The following WDR33 variants were observed in gnomAD, a reference collection of about 807,000 sequenced individuals.
WDR33 encodes WD repeat domain 33, also known as pre-mRNA 3' end processing protein WDR33.
Under a neutral mutation model 164.9 loss-of-function variants are expected in WDR33, and 47 were observed. The observed-to-expected ratio is 0.29, with a 90% CI of 0.23 to 0.36. The LOEUF (loss-of-function observed/expected upper bound fraction) is 0.36. Among genes scored for constraint, WDR33 ranks in the 10% least tolerant of loss-of-function variants. The pLI, the probability that WDR33 is intolerant of heterozygous loss-of-function variation, is 1.00. For missense variants in WDR33, 1,137 were observed against 1,754.1 expected (o/e 0.65, Z 6.28); for synonymous variants, 505 against 589.0 (o/e 0.86, Z 2.06).
rs1261896717 is a variant in WDR33, at chr2:127,720,807, G to A, written c.1672-454C>T. On this transcript the variant is annotated intron_variant, in intron 15 of 21. Transcript: ENST00000322313. The surrounding 1 kb of genome is among the most constrained non-coding windows in gnomAD (Gnocchi z 5.9). Reference sequence around the variant, plus strand: ...ACTCCTGGGTTCAGCTGATCCTCCCGCCTCGCCTCCCAAAGTGCTGGGATT... The same window carrying A: ...ACTCCTGGGTTCAGCTGATCCTCCCACCTCGCCTCCCAAAGTGCTGGGATT... Among the ~76,000 whole-genome samples, 1 of 152,090 alleles carries A rather than the reference G, an allele frequency of 6.6e-6. No homozygotes were observed. Among genetic ancestry groups the A allele is most frequent in the Non-Finnish European group, 1.5e-5 (1 of 68,012 alleles).
intron 1 of WDR33, among the ~76,000 whole-genome samples, chr2:127,792,320 A>G (rs1288724526): frequency 3.9e-5 from 6 of 152,118 alleles, no homozygotes; most frequent in African/African-American, 1.4e-4. Flanking sequence ...ATTAAGTTCA[A>G]CTAACAAAGG....
chr2:127,711,751 GATATATATATATATATAT>G (rs754454193), intron 18 of WDR33, among the ~76,000 whole-genome samples: 3 of 71,600 alleles, frequency 4.2e-5, no homozygotes, highest in South Asian at 6.2e-4. Context: ...CACATATACA[GATATATATATATATATAT>G]ATATATATAT....
At chr2:127,725,812 T>C (rs1686558948) in intron 8 of WDR33, among the ~76,000 whole-genome samples, 1 of 151,318 alleles carries the variant, frequency 6.6e-6, no homozygotes, top group South Asian at 2.1e-4. Context: ...AACAGTAAAA[T>C]TTATCCGTGA....
At chr2:127,750,489 A>G (rs1687292915) in intron 7 of WDR33, among the ~76,000 whole-genome samples, 1 of 150,752 alleles carries the variant, frequency 6.6e-6, no homozygotes, top group Non-Finnish European at 1.5e-5. Context: ...GCTACTTAAA[A>G]TACAAAAATT....
Position 127,720,303 on chromosome 2 carries a change from A to G in WDR33, c.1722T>C (p.Pro574=), listed in dbSNP as rs1298161720. Residue 574 remains proline (P), a synonymous_variant, in exon 16 of 22, where the codon CCT becomes CCC. Transcript: ENST00000322313. This position sits in a 1 kb window ranked among gnomAD's most constrained non-coding sequence, Gnocchi z 5.9. ...LAQKQVEQIQ[P]PPSSGTPLLG... The stretch of plus-strand genomic sequence containing the variant: ...GGAGAGGGGTGCCAGATGAGGGAGG[A>G]GGCTGAATTTGCTCAACTTGTTTCT... 2.0e-6 allele frequency: 3 copies of G among 1,516,700 alleles called. No homozygotes were observed. The highest frequency in any genetic ancestry group is 2.6e-6 in the Non-Finnish European group (3 of 1,133,708). 94.0% of individuals were successfully genotyped at this position (1,516,700 alleles called of 1,614,324 possible).
In WDR33 at chr2:127,724,297, C is replaced by G; in HGVS notation, c.1196+36G>C. On this transcript the variant is annotated intron_variant, in intron 11 of 21. Coordinates refer to ENST00000322313, the MANE Select transcript of WDR33 (RefSeq NM_018383.5). This position sits in a 1 kb window ranked among gnomAD's most constrained non-coding sequence, Gnocchi z 4.8. ...CATACAGTATTTATTTCCTGTTGCT[C>G]CATATAAAGCTTTGCTATTTCAATA... The G allele has an allele frequency of 6.7e-7, 1 of 1,501,626 alleles. No individual in the cohort carries two copies. The highest frequency in any genetic ancestry group is 1.7e-4 in the Middle Eastern group (1 of 5,826). The allele number at this position is 1,501,626 out of a possible 1,614,324, so 93.0% of individuals were successfully genotyped here.
intron 4 of WDR33, among the ~76,000 whole-genome samples, chr2:127,767,242 G>T (rs182328975): frequency 4.0e-5 from 6 of 151,716 alleles, no homozygotes; most frequent in Admixed American, 2.0e-4. Context: ...GTCTTTTCTC[G>T]GTCTCATTTT....
chr2:127,788,526 A>T (rs1295846984), intron 1 of WDR33, among the ~76,000 whole-genome samples: 1 of 84,018 alleles, frequency 1.2e-5, no homozygotes. Context: ...GGGGGGGCTG[A>T]CCCCCCCATC....
At chr2:127,799,700 C>G (rs1476388087) in intron 1 of WDR33, among the ~76,000 whole-genome samples, 1 of 152,172 alleles carries the variant, frequency 6.6e-6, no homozygotes, top group Non-Finnish European at 1.5e-5. Context: ...GAGGCTGAAG[C>G]AGGAGAATCG....
chr2:127,791,175 C>CT (rs1688834572), intron 1 of WDR33, among the ~76,000 whole-genome samples: 1 of 113,544 alleles, frequency 8.8e-6, no homozygotes, highest in Admixed American at 9.6e-5. Context: ...CCCCCCCCCC[C>CT]AGCAACTGCG....
chr2:127,771,539 G>A (rs1016156017), intron 1 of WDR33, among the ~76,000 whole-genome samples: 8 of 152,118 alleles, frequency 5.3e-5, no homozygotes, highest in South Asian at 2.1e-4. Context: ...AAAAGACTAC[G>A]GTCAAGGCGG....
At position 127,710,118 on chromosome 2, in the gene WDR33, C is replaced by CTT. The variant is rs1686123886; in HGVS notation, c.3309-264_3309-263dup. On this transcript the variant is annotated intron_variant, in intron 18 of 21. Transcript: ENST00000322313. The surrounding 1 kb of genome is among the most constrained non-coding windows in gnomAD (Gnocchi z 4.4). ...GGCTTTTAGGTATATACAAGTATTA[C>CTT]TTCATTTCATTCATTTCATTTTCAC... Among the ~76,000 whole-genome samples the CTT allele has an allele frequency of 6.6e-6, 1 of 152,166 alleles. No individual in the cohort carries two copies. The highest frequency in any genetic ancestry group is 2.4e-5 in the African/African-American group (1 of 41,432).
intron 3 of WDR33, 132 bp downstream of exon 3, chr2:127,768,801 C>T: frequency 1.8e-6 from 1 of 563,942 alleles, no homozygotes. Flanking sequence ...GTTATATTAT[C>T]CCTTTGGGAA....
chr2:127,761,201 A>G (rs1687662397), intron 7 of WDR33, among the ~76,000 whole-genome samples: 1 of 152,028 alleles, frequency 6.6e-6, no homozygotes, highest in East Asian at 1.9e-4. Context: ...TTAATACTCT[A>G]GAATTACTTT....
In WDR33 at chr2:127,741,233, G is replaced by C. The variant is rs1687005455; in HGVS notation, c.725-14456C>G. Reference sequence around the variant, plus strand: ...CTAGAGCAGGATTTGAGGCTGAAGAGTAAAGCAGCACAAAGTCTGCAGAAA... The same window carrying C: ...CTAGAGCAGGATTTGAGGCTGAAGACTAAAGCAGCACAAAGTCTGCAGAAA... On this transcript the variant is annotated intron_variant, in intron 7 of 21. Transcript: ENST00000322313. The surrounding 1 kb of genome is among the most constrained non-coding windows in gnomAD (Gnocchi z 4.1). Among the ~76,000 whole-genome samples the C allele has an allele frequency of 6.6e-6, 1 of 152,188 alleles. No individual in the cohort carries two copies. The highest frequency in any genetic ancestry group is 2.4e-5 in the African/African-American group (1 of 41,442).
intron 1 of WDR33, among the ~76,000 whole-genome samples, chr2:127,788,741 CG>C (rs1483907756): frequency 7.2e-6 from 1 of 138,482 alleles, no homozygotes. Context: ...GCTGGCCGGT[CG>C]GGGGGGCTGA....
At chr2:127,797,254 G>A (rs1017552691) in intron 1 of WDR33, among the ~76,000 whole-genome samples, 3 of 152,166 alleles carry the variant, frequency 2.0e-5, no homozygotes, top group African/African-American at 7.2e-5. Context: ...AGAACTTTGG[G>A]AGGCTGAGGT....
intron 8 of WDR33, among the ~76,000 whole-genome samples, 188 bp from the exon 9 acceptor site, chr2:127,725,403 T>C (rs1431989823): frequency 1.3e-5 from 2 of 152,138 alleles, no homozygotes; most frequent in Non-Finnish European, 2.9e-5. Context: ...AGAAATAATA[T>C]GCACTGCCCA....
At position 127,724,245 on chromosome 2, in the gene WDR33, A is replaced by AT. The variant is rs1157071845; in HGVS notation, c.1196+87dup. On this transcript the variant is annotated intron_variant, in intron 11 of 21. Coordinates refer to ENST00000322313, the MANE Select transcript of WDR33 (RefSeq NM_018383.5). The surrounding 1 kb of genome is among the most constrained non-coding windows in gnomAD (Gnocchi z 4.8). Reference sequence around the variant, plus strand: ...AGAATAAGTTGGAATATAAATTACTATATCAATCAACCAATAAAAATAAAC... The same window carrying AT: ...AGAATAAGTTGGAATATAAATTACTATTATCAATCAACCAATAAAAATAAAC... The AT allele has an allele frequency of 1.0e-6, 1 of 980,348 alleles. No individual in the cohort carries two copies. The highest frequency in any genetic ancestry group is 1.5e-6 in the Non-Finnish European group (1 of 654,430). The allele number at this position is 980,348 out of a possible 1,614,324, so 60.7% of individuals were successfully genotyped here.
Sources: gnomAD v4.1 joint callset for allele counts (sites outside exome capture counted in the v4.1 genomes callset) on GRCh38, gnomAD v4.1.1 for gene constraint, Gnocchi (gnomAD v3.1) non-coding constraint, MANE v1.5 for transcripts, NCBI Gene and HGNC (gene_info 2026-07-23, HGNC 2026-07-21) for gene names.